BMERB1: variants seen among roughly 807,000 people sequenced by gnomAD.
BMERB1 encodes the protein bMERB domain containing 1.
A neutral mutation model predicts 23.6 loss-of-function variants in BMERB1; 12 were observed. That is an observed-to-expected ratio of 0.51 (90% confidence interval 0.33 to 0.82). The LOEUF (loss-of-function observed/expected upper bound fraction) is 0.82. Ranked by LOEUF, BMERB1 falls within the 40% of genes least tolerant of loss-of-function variation. The probability of loss-of-function intolerance (pLI) is 0.03; values close to 1 mark genes in which losing one functional copy is unlikely to be tolerated. For synonymous variants in BMERB1, 122 were observed against 96.6 expected (o/e 1.26, Z -1.54); for missense variants, 247 against 255.4 (o/e 0.97, Z 0.22).
In BMERB1 at chr16:15,435,555, C is replaced by A. The variant is rs940315629; in HGVS notation, c.106+796C>A. Among the ~76,000 whole-genome samples, 7 of 152,102 alleles carry A rather than the reference C, an allele frequency of 4.6e-5. No individual in the cohort carries two copies. The East Asian group carries it at 1.2e-3, about 25-fold the overall frequency. ...AGGGTCACTGGAGGTCCCTGCAAACCCGGGGGCTCCCCAAAGCCGCTGCTC... is the reference window on the plus strand; with the variant it reads ...AGGGTCACTGGAGGTCCCTGCAAACACGGGGGCTCCCCAAAGCCGCTGCTC... On this transcript the variant is annotated intron_variant, in intron 1 of 5. Transcript: ENST00000300006.
intron 2 of BMERB1, among the ~76,000 whole-genome samples, chr16:15,560,952 C>CTTTTTTTT (rs1166759122): frequency 4.0e-4 from 43 of 106,640 alleles, no homozygotes; most frequent in African/African-American, 9.0e-4. Context: ...TTCTCTGCTG[C>CTTTTTTTT]TTTTTTTTTT....
chr16:15,576,476 C>A (rs1299903022), intron 3 of BMERB1, among the ~76,000 whole-genome samples: 3 of 152,100 alleles, frequency 2.0e-5, no homozygotes, highest in Non-Finnish European at 2.9e-5. Flanking sequence ...GTACAGAAAC[C>A]CATCCAAGCT....
At chr16:15,500,471 T>C (rs2051517268) in intron 1 of BMERB1, among the ~76,000 whole-genome samples, 1 of 151,754 alleles carries the variant, frequency 6.6e-6, no homozygotes, top group African/African-American at 2.4e-5. Flanking sequence ...TGAGAGCAGT[T>C]AAGAGGGAAG....
chr16:15,495,126 C>G (rs923583897), intron 1 of BMERB1, among the ~76,000 whole-genome samples: 1 of 151,832 alleles, frequency 6.6e-6, no homozygotes, highest in Non-Finnish European at 1.5e-5. Context: ...TCAAGTGATC[C>G]GCCTACCTCG....
intron 1 of BMERB1, among the ~76,000 whole-genome samples, chr16:15,507,138 C>G (rs170168): frequency 0.27 from 40,407 of 152,066 alleles, 6,543 homozygotes; most frequent in East Asian, 0.54. Flanking sequence ...TACCATGACC[C>G]CTGATTGGAA....
At chr16:15,443,970 C>T (rs1315220366) in intron 1 of BMERB1, among the ~76,000 whole-genome samples, 2 of 151,644 alleles carry the variant, frequency 1.3e-5, no homozygotes, top group Non-Finnish European at 2.9e-5. Context: ...TGGGGAGCTG[C>T]AGGCCAACAG....
intron 2 of BMERB1, among the ~76,000 whole-genome samples, chr16:15,563,259 G>A (rs960510771): frequency 1.3e-5 from 2 of 151,976 alleles, no homozygotes; most frequent in Non-Finnish European, 2.9e-5. Flanking sequence ...ACGGAGACTC[G>A]CTCTGTTGCC....
At chr16:15,533,172 A>C (rs2150960163) in intron 2 of BMERB1, 1 of 323,854 alleles carries the variant, frequency 3.1e-6, no homozygotes, top group East Asian at 9.1e-5. Context: ...CTTTACCACC[A>C]GGAAGAAATT....
chr16:15,439,714 AG>A (rs1384088664), intron 1 of BMERB1, among the ~76,000 whole-genome samples: 10 of 152,158 alleles, frequency 6.6e-5, no homozygotes, highest in African/African-American at 1.9e-4. Flanking sequence ...GAAAATGTAT[AG>A]TGACATTTCA....
chr16:15,555,875 A>T (rs1598517316), intron 2 of BMERB1, among the ~76,000 whole-genome samples: 2 of 152,206 alleles, frequency 1.3e-5, no homozygotes, highest in East Asian at 3.9e-4. Context: ...ATTTGATTTG[A>T]GGAAATTGTA....
chr16:15,515,644 A>G (rs548970306), intron 2 of BMERB1, among the ~76,000 whole-genome samples: 14 of 152,318 alleles, frequency 9.2e-5, no homozygotes, highest in Admixed American at 2.6e-4. Flanking sequence ...ATTCAGGCCA[A>G]TCTGACTCCA....
intron 5 of BMERB1, chr16:15,584,244 T>A (rs2031085561): frequency 3.7e-6 from 2 of 539,314 alleles, no homozygotes; most frequent in African/African-American, 3.9e-5. Context: ...GCTGTATTAG[T>A]GAGGCCTCTT....
At chr16:15,499,049 T>C (rs935793899) in intron 1 of BMERB1, among the ~76,000 whole-genome samples, 1 of 152,256 alleles carries the variant, frequency 6.6e-6, no homozygotes, top group African/African-American at 2.4e-5. Context: ...AGGCTGGAAT[T>C]TGTCTTTCTT....
intron 1 of BMERB1, among the ~76,000 whole-genome samples, chr16:15,487,864 G>A (rs1294270745): frequency 6.6e-6 from 1 of 152,198 alleles, no homozygotes; most frequent in Non-Finnish European, 1.5e-5. Flanking sequence ...GCATGGTAAT[G>A]CATTATAATT....
Position 15,581,335 on chromosome 16 carries a change from A to G in BMERB1, c.419+4A>G. ...ATGCGGAGGTCGAGCGGTTAAGGTG[A>G]GTGCACTGCGGGTACCCGATCACTG... On this transcript the variant is annotated splice_donor_region_variant and intron_variant, in intron 4 of 5. Transcript: ENST00000300006. 6.2e-7 allele frequency: 1 copy of G among 1,611,678 alleles called. No individual in the cohort carries two copies. Among genetic ancestry groups the G allele is most frequent in the Non-Finnish European group, 8.5e-7 (1 of 1,178,446 alleles).
intron 1 of BMERB1, among the ~76,000 whole-genome samples, chr16:15,454,541 C>G (rs1278222905): frequency 6.6e-6 from 1 of 152,176 alleles, no homozygotes; most frequent in African/African-American, 2.4e-5. Flanking sequence ...GCCTGTAATC[C>G]CAGCACTTTG....
intron 1 of BMERB1, among the ~76,000 whole-genome samples, chr16:15,478,117 T>G (rs1015067424): frequency 7.2e-5 from 11 of 152,010 alleles, no homozygotes; most frequent in Admixed American, 3.9e-4. Flanking sequence ...TAAGAAATCC[T>G]TCTCGACATT....
intron 1 of BMERB1, among the ~76,000 whole-genome samples, chr16:15,454,598 G>T (rs1039315868): frequency 1.3e-5 from 2 of 152,136 alleles, no homozygotes; most frequent in Non-Finnish European, 2.9e-5. Context: ...TTCGAGACCA[G>T]CCTGGCCAAC....
intron 2 of BMERB1, among the ~76,000 whole-genome samples, chr16:15,527,032 C>T (rs778019382): frequency 1.3e-5 from 2 of 150,400 alleles, no homozygotes; most frequent in African/African-American, 2.4e-5. Flanking sequence ...TTTATGCACA[C>T]TTATATGTAG....
Sources: allele counts gnomAD v4.1 joint callset (sites outside exome capture counted in the v4.1 genomes callset), GRCh38; gene constraint gnomAD v4.1.1; transcripts MANE v1.5; gene names NCBI Gene and HGNC (gene_info 2026-07-23, HGNC 2026-07-21).